Variants in SFTPA1 observed in about 807,000 individuals in gnomAD.
The protein encoded by SFTPA1 is pulmonary surfactant-associated protein A1.
In SFTPA1, 13 loss-of-function variants were observed where a neutral mutation model predicts 19.1. That is an observed-to-expected ratio of 0.68 (90% confidence interval 0.44 to 1.08). SFTPA1 has a LOEUF of 1.08. Among genes scored for constraint, SFTPA1 ranks in the 50% least tolerant of loss-of-function variants. The pLI is 0.00. For synonymous variants in SFTPA1, 101 were observed against 117.0 expected, an observed-to-expected ratio of 0.86 and a Z score of 0.88; for missense variants, 259 against 316.4, an observed-to-expected ratio of 0.82 and a Z score of 1.38.
In SFTPA1 at chr10:79,611,960, C is replaced by G. The variant is rs200941736; in HGVS notation, c.135C>G (p.Asp45Glu). 5.6e-6 allele frequency: 9 copies of G among 1,613,568 alleles called. No homozygotes were observed. In the African/African-American group the frequency reaches 1.2e-4, roughly 22 times the overall value. The change falls in exon 3 of 6, where the codon GAC (aspartate) becomes GAG (glutamate). Residue 45 changes from aspartate to glutamate, a missense_variant. By Grantham distance (45) the Asp-to-Glu change is conservative (BLOSUM62 2). Transcript: ENST00000398636. ...TPGSHGLPGR[D>E]GRDGLKGDPG... ...GATCCCACGGCCTGCCAGGCAGGGA[C>G]GGGAGAGATGGTCTCAAAGGAGACC...
rs1159606146 is a variant in SFTPA1, at chr10:79,614,690, C to A, written c.*577C>A. ...GAGGTTAGAAGGCCAGGTAGTGTTC[C>A]AGCAGGGTGGTGGCCAAGCCAACCC... On this transcript the variant is annotated 3_prime_UTR_variant, in exon 6 of 6. Transcript: ENST00000398636. 1 of 287,466 alleles carries A rather than the reference C, an allele frequency of 3.5e-6. No individual in the cohort carries two copies. The highest frequency in any genetic ancestry group is 4.9e-5 in the Admixed American group (1 of 20,366). The allele number at this position is 287,466 out of a possible 1,614,324, so 17.8% of individuals were successfully genotyped here. A position where few individuals can be genotyped will look rare whatever the true frequency, so the allele number is the denominator to read the frequency against.
At chr10:79,611,585 G>T (rs3997772) in intron 2 of SFTPA1, 196 bp downstream of exon 2, 256,725 of 1,542,672 alleles carry the variant, frequency 0.17, 23,043 homozygotes, top group Admixed American at 0.31. Flanking sequence ...TCAGCAGCCT[G>T]GAGACCCCAC....
intron 4 of SFTPA1, 46 bp from the exon 5 acceptor site, chr10:79,613,143 G>A: frequency 6.2e-7 from 1 of 1,613,674 alleles, no homozygotes; most frequent in Non-Finnish European, 8.5e-7. Context: ...GCAAGTGGGA[G>A]TCTTCACTGG....
In SFTPA1 at chr10:79,614,980, T is replaced by C; in HGVS notation, c.*867T>C. 4 of 1,304,126 alleles carry C rather than the reference T, an allele frequency of 3.1e-6. No homozygotes were observed. Among genetic ancestry groups the C allele is most frequent in the Non-Finnish European group, 3.0e-6 (3 of 988,242 alleles). The allele number at this position is 1,304,126 out of a possible 1,614,324, so 80.8% of individuals were successfully genotyped here. On this transcript the variant is annotated 3_prime_UTR_variant, in exon 6 of 6. Transcript: ENST00000398636. The stretch of plus-strand genomic sequence containing the variant: ...CATTAAAATTATCACGTGCCAGGTC[T>C]TAGGATATGTCGTGGGGTGGGCAAG...
Position 79,614,830 on chromosome 10 carries a change from A to G in SFTPA1, c.*717A>G. The stretch of plus-strand genomic sequence containing the variant: ...TGACCTAGAGCCGCCTTCAGATGTG[A>G]CCCGAGTAACTTTCAACTGATGAAC... On this transcript the variant is annotated 3_prime_UTR_variant, in exon 6 of 6. Coordinates refer to ENST00000398636, the MANE Select transcript of SFTPA1 (RefSeq NM_005411.5). 5 of 463,974 alleles carry G rather than the reference A, an allele frequency of 1.1e-5. No individual in the cohort carries two copies. Among genetic ancestry groups the G allele is most frequent in the Middle Eastern group, 3.9e-4 (1 of 2,558 alleles). 28.7% of individuals were successfully genotyped at this position (463,974 alleles called of 1,614,324 possible).
In SFTPA1 at chr10:79,615,429, G is replaced by A. The variant is rs1001545985; in HGVS notation, c.*1316G>A. ...AAAGATGATTTAAGCTTAATAAATC[G>A]TGAATGTGTTCACATGAGTTTCCAT... On this transcript the variant is annotated 3_prime_UTR_variant, in exon 6 of 6. Transcript: ENST00000398636. 23 of 161,186 alleles carry A rather than the reference G, an allele frequency of 1.4e-4. No homozygotes were observed. Among genetic ancestry groups the A allele is most frequent in the Non-Finnish European group, 2.1e-4 (15 of 72,500 alleles). 10.0% of individuals were successfully genotyped at this position (161,186 alleles called of 1,614,324 possible). A position where few individuals can be genotyped will look rare whatever the true frequency, so the allele number is the denominator to read the frequency against.
At chr10:79,612,531 C>T in intron 4 of SFTPA1, 100 bp downstream of exon 4, 1 of 1,566,810 alleles carries the variant, frequency 6.4e-7, no homozygotes, top group Non-Finnish European at 8.7e-7. Flanking sequence ...CTACAGGTTC[C>T]CCAAGGGCAT....
Position 79,610,963 on chromosome 10 carries a change from G to C in SFTPA1, c.-114G>C, listed in dbSNP as rs1859816332. The C allele has an allele frequency of 1.3e-5, 2 of 152,420 alleles. No homozygotes were observed. The highest frequency in any genetic ancestry group is 4.8e-5 in the African/African-American group (2 of 41,438). The allele number at this position is 152,420 out of a possible 1,614,324, so 9.4% of individuals were successfully genotyped here. A position where few individuals can be genotyped will look rare whatever the true frequency, so the allele number is the denominator to read the frequency against. On this transcript the variant is annotated 5_prime_UTR_variant, in exon 1 of 6. Transcript: ENST00000398636. ...TGACTTGGAGGCAGAGACCCAAGCA[G>C]CTGGAGGCTCTGTGTGTGGGTGAGT... is the stretch of plus-strand genomic sequence containing the variant.
chr10:79,611,710 C>T (rs553248590), intron 2 of SFTPA1, 93 bp from the exon 3 acceptor site: 19 of 1,606,540 alleles, frequency 1.2e-5, no homozygotes, highest in Middle Eastern at 1.9e-4. Context: ...CCCTGCCTCT[C>T]GGGCTCTGCC....
Position 79,614,879 on chromosome 10 carries a change from T to C in SFTPA1, c.*766T>C. 2 of 770,382 alleles carry C rather than the reference T, an allele frequency of 2.6e-6. No individual in the cohort carries two copies. Among genetic ancestry groups the C allele is most frequent in the South Asian group, 3.4e-5 (2 of 58,084 alleles). The allele number at this position is 770,382 out of a possible 1,614,324, so 47.7% of individuals were successfully genotyped here. The stretch of plus-strand genomic sequence containing the variant: ...ACAAATCTGCACCCTACTTCAGATT[T>C]CAGTGGGCATTCACACCACCCCCCA... On this transcript the variant is annotated 3_prime_UTR_variant, in exon 6 of 6. Transcript: ENST00000398636.
chr10:79,613,587 T>C (rs4253600), intron 5 of SFTPA1, 150 bp from the exon 6 acceptor site: 71,401 of 1,175,878 alleles, frequency 0.061, 2,421 homozygotes, highest in Middle Eastern at 0.078. Flanking sequence ...AAAGTGAATT[T>C]AGAAAACTGC....
In SFTPA1 at chr10:79,614,576, G is replaced by T. The variant is rs1052332543; in HGVS notation, c.*463G>T. ...TAATGACAGAGAGAGGCAGACTTCG[G>T]GGAAGCCCTGACTGTGCAGAGCTAA... On this transcript the variant is annotated 3_prime_UTR_variant, in exon 6 of 6. Coordinates refer to ENST00000398636, the MANE Select transcript of SFTPA1 (RefSeq NM_005411.5). The T allele has an allele frequency of 5.1e-5, 11 of 217,438 alleles. No individual in the cohort carries two copies. Among genetic ancestry groups the T allele is most frequent in the African/African-American group, 2.5e-4 (11 of 43,502 alleles). The allele number at this position is 217,438 out of a possible 1,614,324, so 13.5% of individuals were successfully genotyped here. A position where few individuals can be genotyped will look rare whatever the true frequency, so the allele number is the denominator to read the frequency against.
At position 79,615,191 on chromosome 10, in the gene SFTPA1, A is replaced by AAT; in HGVS notation, c.*1078_*1079insAT. ...CTATCATTTGCCAAGAACCTTGACA[A>AAT]GCACTTCTAATACAGCATATTATGT... On this transcript the variant is annotated 3_prime_UTR_variant, in exon 6 of 6. Coordinates refer to ENST00000398636, the MANE Select transcript of SFTPA1 (RefSeq NM_005411.5). 1 of 825,150 alleles carries AAT rather than the reference A, an allele frequency of 1.2e-6. No homozygotes were observed. The highest frequency in any genetic ancestry group is 1.7e-6 in the Non-Finnish European group (1 of 576,522). 51.1% of individuals were successfully genotyped at this position (825,150 alleles called of 1,614,324 possible). A position where few individuals can be genotyped will look rare whatever the true frequency, so the allele number is the denominator to read the frequency against.
intron 1 of SFTPA1, 36 bp from the exon 2 acceptor site, chr10:79,611,283 A>G: frequency 3.3e-6 from 1 of 305,560 alleles, no homozygotes; most frequent in Non-Finnish European, 6.1e-6. Flanking sequence ...GAGGGGGGCC[A>G]GGCTGCGGGC....
In SFTPA1 at chr10:79,614,901, C is replaced by T. The variant is rs4253537; in HGVS notation, c.*788C>T. 108 of 1,026,996 alleles carry T rather than the reference C, an allele frequency of 1.1e-4. No homozygotes were observed. Among genetic ancestry groups the T allele is most frequent in the Non-Finnish European group, 1.3e-4 (98 of 755,296 alleles). The allele number at this position is 1,026,996 out of a possible 1,614,324, so 63.6% of individuals were successfully genotyped here. ...ATTTCAGTGGGCATTCACACCACCC[C>T]CCACACCACTGGCTCTGCTTTCTCC... is the stretch of plus-strand genomic sequence containing the variant. On this transcript the variant is annotated 3_prime_UTR_variant, in exon 6 of 6. Transcript: ENST00000398636.
chr10:79,613,912 C>T lies in SFTPA1; in HGVS notation c.546C>T (p.Asn182=). 1 of 1,614,032 alleles carries T rather than the reference C, an allele frequency of 6.2e-7. No individual in the cohort carries two copies. Among genetic ancestry groups the T allele is most frequent in the East Asian group, 2.2e-5 (1 of 44,886 alleles). The change falls in exon 6 of 6, where the codon AAC becomes AAT. Residue 182 remains asparagine (N), a synonymous_variant. Transcript: ENST00000398636. ...TTGCAAGCTTCGTGAAGAAGTACAA[C>T]ACATATGCCTATGTAGGCCTGACTG... ...EAIASFVKKY[N]TYAYVGLTEG...
chr10:79,612,873 C>T (rs979694040), intron 4 of SFTPA1, among the ~76,000 whole-genome samples: 7 of 149,748 alleles, frequency 4.7e-5, no homozygotes, highest in Non-Finnish European at 8.9e-5. Flanking sequence ...GAGCATCATG[C>T]TTGCCCTTGG....
intron 4 of SFTPA1, 94 bp downstream of exon 4, chr10:79,612,525 A>G (rs1222375257): frequency 7.0e-6 from 11 of 1,573,174 alleles, no homozygotes; most frequent in Non-Finnish European, 9.5e-6. Context: ...CAAACCCTAC[A>G]GGTTCCCCAA....
intron 4 of SFTPA1, 50 bp from the exon 5 acceptor site, chr10:79,613,139 G>A (rs1164367915): frequency 6.2e-7 from 1 of 1,613,610 alleles, no homozygotes; most frequent in Non-Finnish European, 8.5e-7. Flanking sequence ...GGCAGCAAGT[G>A]GGAGTCTTCA....
Sources: gnomAD v4.1 joint callset for allele counts (sites outside exome capture counted in the v4.1 genomes callset) on GRCh38, gnomAD v4.1.1 for gene constraint, MANE v1.5 for transcripts, NCBI Gene and HGNC (gene_info 2026-07-23, HGNC 2026-07-21) for gene names.